GLIPR1L2: variants seen among roughly 807,000 people sequenced by gnomAD.
GLIPR1L2 encodes the protein GLIPR1 like 2, also known as GLIPR1-like protein 2.
Under a neutral mutation model 28.4 loss-of-function variants are expected in GLIPR1L2, and 21 were observed. That is an observed-to-expected ratio of 0.74 (90% CI 0.52 to 1.06). The LOEUF (loss-of-function observed/expected upper bound fraction) is 1.06, where lower values mean the gene tolerates loss of function less well. Among genes scored for constraint, GLIPR1L2 ranks in the 50% least tolerant of loss-of-function variants. The pLI, the probability that GLIPR1L2 is intolerant of heterozygous loss-of-function variation, is 0.00. For synonymous variants in GLIPR1L2, 145 were observed against 139.3 expected (o/e 1.04, Z -0.29); for missense variants, 476 against 416.9 (o/e 1.14, Z -1.23).
chr12:75,422,977 G>C lies in GLIPR1L2; in HGVS notation c.658G>C (p.Asp220His). 1 of 1,612,534 alleles carries C rather than the reference G, an allele frequency of 6.2e-7. No homozygotes were observed. The highest frequency in any genetic ancestry group is 1.1e-5 in the South Asian group (1 of 90,868). Residue 220 changes from aspartate to histidine, a missense_variant, in exon 4 of 6, where the codon GAT becomes CAT. Transcript: ENST00000550916. Reference protein sequence around the residue: ...TRCGRRDKCTDFLCSNADRDQ... With the variant: ...TRCGRRDKCTHFLCSNADRDQ... ...ATGTGGCAGACGTGACAAATGCACA[G>C]ATTTTCTATGCAGTAAGATAAAGAA...
At chr12:75,426,548 G>T (rs1021887090) in intron 4 of GLIPR1L2, among the ~76,000 whole-genome samples, 1 of 152,096 alleles carries the variant, frequency 6.6e-6, no homozygotes, top group African/African-American at 2.4e-5. Flanking sequence ...TATTTCATTT[G>T]CATTCCTGTC....
At chr12:75,412,612 C>T (rs991504709) in intron 2 of GLIPR1L2, among the ~76,000 whole-genome samples, 11 of 152,144 alleles carry the variant, frequency 7.2e-5, no homozygotes, top group Non-Finnish European at 1.3e-4. Flanking sequence ...CATCACTGGC[C>T]GTCAGAGAAA....
At chr12:75,426,402 C>G (rs1218633956) in intron 4 of GLIPR1L2, among the ~76,000 whole-genome samples, 1 of 152,100 alleles carries the variant, frequency 6.6e-6, no homozygotes, top group Non-Finnish European at 1.5e-5. Flanking sequence ...GGGAAGTGGC[C>G]ACAGTAAGGC....
chr12:75,413,728 A>G (rs1426656108), intron 3 of GLIPR1L2, 27 bp downstream of exon 3: 1 of 1,093,980 alleles, frequency 9.1e-7, no homozygotes, highest in Non-Finnish European at 1.3e-6. Flanking sequence ...TAATAAAAGA[A>G]TATAAAAATC....
intron 4 of GLIPR1L2, among the ~76,000 whole-genome samples, chr12:75,429,586 G>A (rs963903411): frequency 4.6e-5 from 7 of 152,138 alleles, no homozygotes; most frequent in African/African-American, 1.7e-4. Context: ...ATGTGAGAAG[G>A]ACATGAGATT....
intron 1 of GLIPR1L2, among the ~76,000 whole-genome samples, chr12:75,398,549 A>C (rs1371301343): frequency 1.3e-5 from 2 of 152,110 alleles, no homozygotes; most frequent in Non-Finnish European, 2.9e-5. Flanking sequence ...AGGAGCACAG[A>C]ATCCCTCCCT....
At chr12:75,405,774 A>G (rs755852156) in intron 1 of GLIPR1L2, among the ~76,000 whole-genome samples, 11 of 152,114 alleles carry the variant, frequency 7.2e-5, no homozygotes, top group Admixed American at 4.6e-4. Context: ...AGAAATATGG[A>G]TATAGAAAGT....
In GLIPR1L2 at chr12:75,413,596, A is replaced by T. The variant is rs1167677130; in HGVS notation, c.481-2A>T. The T allele has an allele frequency of 6.6e-7, 1 of 1,524,350 alleles. No homozygotes were observed. The highest frequency in any genetic ancestry group is 8.8e-7 in the Non-Finnish European group (1 of 1,132,680). The allele number at this position is 1,524,350 out of a possible 1,614,324, so 94.4% of individuals were successfully genotyped here. ...GTGTCTTTCTTGAAAATTTTATTTTAGCTTGTTTGGGACCACTCTTACAAA... is the reference window on the plus strand; with the variant it reads ...GTGTCTTTCTTGAAAATTTTATTTTTGCTTGTTTGGGACCACTCTTACAAA... On this transcript the variant is annotated splice_acceptor_variant, in intron 2 of 5. Transcript: ENST00000550916. LOFTEE classifies it high-confidence loss of function.
chr12:75,398,262 G>C (rs1399577631), intron 1 of GLIPR1L2, among the ~76,000 whole-genome samples: 1 of 142,112 alleles, frequency 7.0e-6, no homozygotes, highest in Non-Finnish European at 1.5e-5. Context: ...CCGGGAAGCA[G>C]AGGTTGCAGT....
chr12:75,397,422 G>T (rs2045692626), intron 1 of GLIPR1L2, among the ~76,000 whole-genome samples: 1 of 151,386 alleles, frequency 6.6e-6, no homozygotes, highest in South Asian at 2.1e-4. Context: ...TCTTGTTTTA[G>T]CTACTGAGCC....
chr12:75,391,536 A>C (rs980454962), intron 1 of GLIPR1L2, 186 bp downstream of exon 1: 4 of 1,526,938 alleles, frequency 2.6e-6, no homozygotes, highest in Non-Finnish European at 3.5e-6. Flanking sequence ...ACACATGCTT[A>C]TTACCATGAT....
At chr12:75,401,684 G>A (rs1050274054) in intron 1 of GLIPR1L2, among the ~76,000 whole-genome samples, 2 of 151,992 alleles carry the variant, frequency 1.3e-5, no homozygotes, top group African/African-American at 4.8e-5. Context: ...TGACTAGAAT[G>A]TAATAAAACT....
Position 75,430,714 on chromosome 12 carries a change from G to C in GLIPR1L2, c.671-1G>C, listed in dbSNP as rs1255012358. ...TTTGTGGACTTTCTTTTTCTTTCTA[G>C]GTAATGCAGATCGTGACCAAGCCAC... On this transcript the variant is annotated splice_acceptor_variant, in intron 4 of 5. Coordinates refer to ENST00000550916, the MANE Select transcript of GLIPR1L2 (RefSeq NM_001270396.2). LOFTEE classifies it high-confidence loss of function. 7.8e-6 allele frequency: 12 copies of C among 1,533,148 alleles called. No homozygotes were observed. The highest frequency in any genetic ancestry group is 1.0e-5 in the Non-Finnish European group (12 of 1,145,958). 95.0% of individuals were successfully genotyped at this position (1,533,148 alleles called of 1,614,324 possible).
At chr12:75,428,528 ATT>A (rs151064090) in intron 4 of GLIPR1L2, among the ~76,000 whole-genome samples, 15 of 89,256 alleles carry the variant, frequency 1.7e-4, no homozygotes, top group Middle Eastern at 5.2e-3. Context: ...ATATATATAT[ATT>A]TTTTTTTCTG....
chr12:75,425,440 T>G (rs1215710054), intron 4 of GLIPR1L2, among the ~76,000 whole-genome samples: 1 of 152,122 alleles, frequency 6.6e-6, no homozygotes, highest in Non-Finnish European at 1.5e-5. Flanking sequence ...GGAAGATGAC[T>G]TGACATGGGT....
chr12:75,432,378 A>G lies in GLIPR1L2; in HGVS notation c.*1217A>G, dbSNP rs1008665968. 1 of 152,164 alleles carries G rather than the reference A, an allele frequency of 6.6e-6. No individual in the cohort carries two copies. The highest frequency in any genetic ancestry group is 1.5e-5 in the Non-Finnish European group (1 of 67,992). 9.4% of individuals were successfully genotyped at this position (152,164 alleles called of 1,614,324 possible). A position where few individuals can be genotyped will look rare whatever the true frequency, so the allele number is the denominator to read the frequency against. The stretch of plus-strand genomic sequence containing the variant: ...ATTCTAATTGAGAATCAGAGGCTTA[A>G]TAAACCTGAAGGTTTAAGTGAAAGA... On this transcript the variant is annotated 3_prime_UTR_variant, in exon 6 of 6. Coordinates refer to ENST00000550916, the MANE Select transcript of GLIPR1L2 (RefSeq NM_001270396.2).
rs182082343 is a variant in GLIPR1L2, at chr12:75,410,666, C to G, written c.467C>G (p.Ser156Cys). 2 of 1,602,122 alleles carry G rather than the reference C, an allele frequency of 1.2e-6. No homozygotes were observed. Among genetic ancestry groups the G allele is most frequent in the East Asian group, 2.2e-5 (1 of 44,654 alleles). The change falls in exon 2 of 6, where the codon TCT becomes TGT. Residue 156 changes from serine to cysteine, a missense_variant. Physicochemically the swap from Ser to Cys is moderately radical, Grantham distance 112 (BLOSUM62 -1). Coordinates refer to ENST00000550916, the MANE Select transcript of GLIPR1L2 (RefSeq NM_001270396.2). ...AATGGCAGTTGCTCTGGAGACTGTT[C>G]TAATTATATTCAGGTATGTAATTTT... Reference protein sequence around the residue: ...FENGSCSGDCSNYIQLVWDHS... With the variant: ...FENGSCSGDCCNYIQLVWDHS...
At chr12:75,392,002 C>T (rs939941197) in intron 1 of GLIPR1L2, among the ~76,000 whole-genome samples, 1 of 152,026 alleles carries the variant, frequency 6.6e-6, no homozygotes, top group African/African-American at 2.4e-5. Context: ...CTCTTTTACA[C>T]CCTATAGTCA....
At chr12:75,422,842 TA>T in intron 3 of GLIPR1L2, 61 bp from the exon 4 acceptor site, 1 of 1,363,182 alleles carries the variant, frequency 7.3e-7, no homozygotes, top group Non-Finnish European at 1.0e-6. Flanking sequence ...CTATATTATT[TA>T]AATTACATGT....
Sources: allele counts gnomAD v4.1 joint callset (sites outside exome capture counted in the v4.1 genomes callset), GRCh38; gene constraint gnomAD v4.1.1; transcripts MANE v1.5; gene names NCBI Gene and HGNC (gene_info 2026-07-23, HGNC 2026-07-21).